TMTC2: variants seen among roughly 807,000 people sequenced by gnomAD.
TMTC2 encodes protein O-mannosyl-transferase TMTC2.
Under a neutral mutation model 82.4 loss-of-function variants are expected in TMTC2, and 43 were observed. The ratio of observed to expected loss-of-function variants is 0.52; its 90% confidence interval spans 0.41 to 0.67. The LOEUF is 0.67. Ranked by LOEUF, TMTC2 falls within the 30% of genes least tolerant of loss-of-function variation. The pLI is 0.00. For synonymous variants in TMTC2, 408 were observed against 381.9 expected (o/e 1.07, Z -0.80); for missense variants, 919 against 1,012.4 (o/e 0.91, Z 1.25).
intron 4 of TMTC2, among the ~76,000 whole-genome samples, chr12:82,942,886 G>A (rs1398208466): frequency 1.3e-5 from 2 of 152,022 alleles, no homozygotes; most frequent in African/African-American, 4.8e-5. Context: ...TCTATTGCAG[G>A]TTTTATGCTG....
intron 3 of TMTC2, among the ~76,000 whole-genome samples, chr12:82,929,939 A>G (rs1365858602): frequency 6.6e-6 from 1 of 152,230 alleles, no homozygotes. Flanking sequence ...TTATTGATGT[A>G]TTCTGATGCC....
At chr12:82,729,309 G>T (rs890823451) in intron 1 of TMTC2, among the ~76,000 whole-genome samples, 4 of 152,196 alleles carry the variant, frequency 2.6e-5, no homozygotes, top group Non-Finnish European at 5.9e-5. Context: ...CTAGCTCAGG[G>T]TTTGTGAATG....
intron 1 of TMTC2, among the ~76,000 whole-genome samples, chr12:82,727,225 C>T (rs1050531063): frequency 6.6e-6 from 1 of 151,940 alleles, no homozygotes; most frequent in African/African-American, 2.4e-5. Flanking sequence ...CAGTCTTAAC[C>T]TTTCTTCTAG....
intron 8 of TMTC2, among the ~76,000 whole-genome samples, chr12:83,002,206 A>G (rs555588242): frequency 6.6e-6 from 1 of 152,230 alleles, no homozygotes; most frequent in South Asian, 2.1e-4. Flanking sequence ...AAATCTTGAA[A>G]ATTGTGTGTC....
At chr12:83,021,442 C>T (rs118070410) in intron 8 of TMTC2, among the ~76,000 whole-genome samples, 2 of 152,162 alleles carry the variant, frequency 1.3e-5, no homozygotes, top group East Asian at 3.9e-4. Context: ...TTTGTGAAGT[C>T]AAACTAGATG....
At chr12:82,702,938 G>A (rs1372629758) in intron 1 of TMTC2, among the ~76,000 whole-genome samples, 1 of 152,092 alleles carries the variant, frequency 6.6e-6, no homozygotes, top group Non-Finnish European at 1.5e-5. Context: ...CTTGGGCCTG[G>A]GGGATCGAGG....
intron 1 of TMTC2, among the ~76,000 whole-genome samples, chr12:82,850,038 T>G (rs2137104348): frequency 6.6e-6 from 1 of 152,084 alleles, no homozygotes; most frequent in Non-Finnish European, 1.5e-5. Context: ...GGTGGGGAGA[T>G]ACAGTACATT....
Position 82,707,532 on chromosome 12 carries a change from C to T in TMTC2, c.83+19863C>T, listed in dbSNP as rs576584797. ...TTTCTTTCTTCATCTCTTGGTCCGG[C>T]TATGGTGATCTTCATGACCATTGGC... On this transcript the variant is annotated intron_variant, in intron 1 of 11. Coordinates refer to ENST00000321196, the MANE Select transcript of TMTC2 (RefSeq NM_152588.3). Among the ~76,000 whole-genome samples, 6 of 152,348 alleles carry T rather than the reference C, an allele frequency of 3.9e-5. No homozygotes were observed. In the South Asian group the frequency reaches 8.3e-4, roughly 21 times the overall value.
At chr12:82,976,164 G>T (rs1878664803) in intron 7 of TMTC2, among the ~76,000 whole-genome samples, 1 of 152,042 alleles carries the variant, frequency 6.6e-6, no homozygotes, top group East Asian at 1.9e-4. Flanking sequence ...GACATTTGTG[G>T]ATTGATTATT....
chr12:83,076,540 C>G (rs1271584200), intron 11 of TMTC2, among the ~76,000 whole-genome samples: 2 of 152,158 alleles, frequency 1.3e-5, no homozygotes, highest in African/African-American at 4.8e-5. Flanking sequence ...CTGATGTAAC[C>G]ACACTGACCC....
chr12:82,830,720 A>C (rs1869702384), intron 1 of TMTC2, among the ~76,000 whole-genome samples: 1 of 152,226 alleles, frequency 6.6e-6, no homozygotes, highest in Non-Finnish European at 1.5e-5. Context: ...GCAATGGATT[A>C]TGGAATCTTC....
intron 1 of TMTC2, among the ~76,000 whole-genome samples, chr12:82,771,172 A>G (rs1201671979): frequency 6.7e-6 from 1 of 150,272 alleles, no homozygotes. Context: ...ACGCCACTGC[A>G]CTTCAGCCTG....
At chr12:82,864,957 G>A (rs1307520282) in intron 2 of TMTC2, among the ~76,000 whole-genome samples, 4 of 150,698 alleles carry the variant, frequency 2.7e-5, no homozygotes, top group Admixed American at 6.6e-5. Context: ...GCTCACGCCT[G>A]TAATCCCAGC....
At chr12:82,867,437 G>A (rs768185927) in intron 2 of TMTC2, among the ~76,000 whole-genome samples, 2 of 152,114 alleles carry the variant, frequency 1.3e-5, no homozygotes, top group Non-Finnish European at 2.9e-5. Context: ...AAAGAAAACA[G>A]TACAGATAAC....
At chr12:82,951,702 G>A (rs556869014) in intron 4 of TMTC2, among the ~76,000 whole-genome samples, 17 of 152,244 alleles carry the variant, frequency 1.1e-4, no homozygotes, top group African/African-American at 3.9e-4. Flanking sequence ...ATAGAATAAC[G>A]TAGCAGTATT....
intron 1 of TMTC2, among the ~76,000 whole-genome samples, chr12:82,748,874 T>A (rs1057460626): frequency 1.3e-5 from 2 of 152,142 alleles, no homozygotes; most frequent in African/African-American, 4.8e-5. Flanking sequence ...CAAAACTCCA[T>A]CACAAAAAGA....
At chr12:82,706,109 G>T (rs1283259361) in intron 1 of TMTC2, among the ~76,000 whole-genome samples, 1 of 152,136 alleles carries the variant, frequency 6.6e-6, no homozygotes, top group Non-Finnish European at 1.5e-5. Context: ...AGCAGCTCAA[G>T]ACCAGCCCGG....
intron 8 of TMTC2, among the ~76,000 whole-genome samples, chr12:83,018,446 T>A (rs17010440): frequency 0.071 from 10,781 of 152,232 alleles, 519 homozygotes; most frequent in African/African-American, 0.13. Flanking sequence ...ATAGTGCTGG[T>A]GATAACAAAT....
intron 4 of TMTC2, among the ~76,000 whole-genome samples, chr12:82,933,197 A>C (rs1232070316): frequency 6.6e-6 from 1 of 152,240 alleles, no homozygotes; most frequent in Non-Finnish European, 1.5e-5. Context: ...AAATATTGGC[A>C]ATGATTGGAA....
Sources: gnomAD v4.1 joint callset for allele counts (sites outside exome capture counted in the v4.1 genomes callset) on GRCh38, gnomAD v4.1.1 for gene constraint, MANE v1.5 for transcripts, NCBI Gene and HGNC (gene_info 2026-07-23, HGNC 2026-07-21) for gene names.